Variants in APLF observed in about 807,000 individuals in gnomAD.
The protein encoded by APLF is aprataxin and PNK-like factor.
In APLF, 61 loss-of-function variants were observed where a neutral mutation model predicts 55.6. The observed-to-expected ratio is 1.10, with a 90% CI of 0.89 to 1.36. The LOEUF (loss-of-function observed/expected upper bound fraction) is 1.36, where lower values mean the gene tolerates loss of function less well. Ranked by LOEUF, APLF falls within the 40% of genes most tolerant of loss-of-function variation. The pLI, the probability that APLF is intolerant of heterozygous loss-of-function variation, is 0.00. For synonymous variants in APLF, 207 were observed against 214.8 expected (o/e 0.96, Z 0.32); for missense variants, 611 against 602.5 (o/e 1.01, Z -0.15).
rs752353255 is a variant in APLF, at chr2:68,545,190, G to C, written c.1164G>C (p.Lys388Asn). Reference protein sequence around the residue: ...SCMYGANCYRKNPVHFQHFSH... With the variant: ...SCMYGANCYRNNPVHFQHFSH... ...AGTATATTTGTCGCCCTCCTAGGAA[G>C]AATCCTGTTCATTTTCAACATTTTA... The change falls in exon 8 of 10, where the codon AAG becomes AAC. Residue 388 changes from lysine (K) to asparagine (N), a missense_variant. By Grantham distance (94) the Lys-to-Asn change is moderately conservative (BLOSUM62 0). Coordinates refer to ENST00000303795, the MANE Select transcript of APLF (RefSeq NM_173545.3). 1.2e-6 allele frequency: 2 copies of C among 1,612,842 alleles called. No individual in the cohort carries two copies. The highest frequency in any genetic ancestry group is 3.3e-5 in the Admixed American group (2 of 59,836).
At chr2:68,519,469 A>G (rs1194154282) in intron 5 of APLF, among the ~76,000 whole-genome samples, 3 of 149,492 alleles carry the variant, frequency 2.0e-5, no homozygotes, top group Non-Finnish European at 4.5e-5. Flanking sequence ...CTGAAAGAAA[A>G]GGAGTTATTT....
At chr2:68,514,936 T>C (rs1669536840) in intron 5 of APLF, among the ~76,000 whole-genome samples, 1 of 151,900 alleles carries the variant, frequency 6.6e-6, no homozygotes, top group African/African-American at 2.4e-5. Context: ...ACTTTAGTTA[T>C]GCTGTTTTTC....
intron 2 of APLF, among the ~76,000 whole-genome samples, chr2:68,494,938 A>G (rs773645991): frequency 1.6e-4 from 24 of 152,006 alleles, no homozygotes; most frequent in Admixed American, 3.3e-4. Flanking sequence ...TGTCTTTGCT[A>G]AGCCACACAC....
chr2:68,497,611 C>T (rs1001892258), intron 2 of APLF, among the ~76,000 whole-genome samples: 3 of 150,696 alleles, frequency 2.0e-5, no homozygotes, highest in African/African-American at 7.3e-5. Flanking sequence ...ATTACCCAGT[C>T]TTAGGTGAAA....
In APLF at chr2:68,573,697, T is replaced by A. The variant is rs1671545157; in HGVS notation, c.1334-4123T>A. ...CAAAAAAAAAAAAAAAAAAAGTAAT[T>A]TCCATTAGGTTAAGTGACTTGTTCA... On this transcript the variant is annotated intron_variant, in intron 9 of 9. Coordinates refer to ENST00000303795, the MANE Select transcript of APLF (RefSeq NM_173545.3). 2.0e-5 allele frequency among the ~76,000 whole-genome samples: 3 copies of A among 150,584 alleles called. No homozygotes were observed. The South Asian group carries it at 6.3e-4, about 32-fold the overall frequency.
chr2:68,485,786 A>T (rs1347454666), intron 1 of APLF, among the ~76,000 whole-genome samples: 2 of 150,880 alleles, frequency 1.3e-5, no homozygotes, highest in African/African-American at 4.9e-5. Flanking sequence ...TCCATGATTC[A>T]TATGGAATCT....
intron 5 of APLF, among the ~76,000 whole-genome samples, chr2:68,518,913 TA>T (rs1473664144): frequency 2.4e-5 from 3 of 124,730 alleles, no homozygotes; most frequent in African/African-American, 9.6e-5. Context: ...TATAATAAAA[TA>T]ATAATATATC....
chr2:68,544,153 A>G (rs958272606), intron 7 of APLF, among the ~76,000 whole-genome samples: 1 of 151,596 alleles, frequency 6.6e-6, no homozygotes, highest in Admixed American at 6.6e-5. Flanking sequence ...GGCTAGTTGT[A>G]TTTTTAGTAG....
At chr2:68,510,188 G>A (rs182171118) in intron 3 of APLF, among the ~76,000 whole-genome samples, 80 of 151,676 alleles carry the variant, frequency 5.3e-4, no homozygotes, top group Middle Eastern at 6.8e-3. Context: ...TGCATGTTGC[G>A]CACATGTACC....
Position 68,579,316 on chromosome 2 carries a change from A to T in APLF, c.*1294A>T. 4.4e-6 allele frequency: 4 copies of T among 904,614 alleles called. No homozygotes were observed. In the South Asian group the frequency reaches 1.5e-4, roughly 35 times the overall value. The allele number at this position is 904,614 out of a possible 1,614,324, so 56.0% of individuals were successfully genotyped here. On this transcript the variant is annotated 3_prime_UTR_variant, in exon 10 of 10. Transcript: ENST00000303795. ...TTTTATCTCTTATTGTTATTTGGGA[A>T]CTATTTTTCCCCTTATAATGTCCCT...
chr2:68,512,744 A>C (rs1206372010), intron 3 of APLF, among the ~76,000 whole-genome samples: 1 of 151,776 alleles, frequency 6.6e-6, no homozygotes, highest in Non-Finnish European at 1.5e-5. Flanking sequence ...AGTTTACATT[A>C]TCTCTCTAGA....
chr2:68,517,370 T>C (rs1436621715), intron 5 of APLF, among the ~76,000 whole-genome samples: 6 of 131,302 alleles, frequency 4.6e-5, no homozygotes, highest in Non-Finnish European at 9.3e-5. Flanking sequence ...TATAATATAT[T>C]CATATAGTAA....
At chr2:68,573,286 A>G (rs1201941863) in intron 9 of APLF, among the ~76,000 whole-genome samples, 2 of 152,220 alleles carry the variant, frequency 1.3e-5, no homozygotes, top group Non-Finnish European at 2.9e-5. Flanking sequence ...ACTGATTTGT[A>G]GAGAAAATAA....
chr2:68,491,884 T>A (rs1452180375), intron 2 of APLF, among the ~76,000 whole-genome samples: 3 of 152,172 alleles, frequency 2.0e-5, no homozygotes, highest in Non-Finnish European at 4.4e-5. Context: ...GACAACTCAA[T>A]AGATATCAGA....
At chr2:68,504,146 T>G (rs2103935954) in intron 3 of APLF, among the ~76,000 whole-genome samples, 1 of 152,124 alleles carries the variant, frequency 6.6e-6, no homozygotes, top group South Asian at 2.1e-4. Flanking sequence ...AGAAATCTGA[T>G]GAATTCTATA....
chr2:68,532,563 T>C (rs969341313), intron 6 of APLF, among the ~76,000 whole-genome samples: 1 of 152,190 alleles, frequency 6.6e-6, no homozygotes, highest in African/African-American at 2.4e-5. Context: ...AATGTAGGTA[T>C]TTTCATTTTG....
intron 2 of APLF, among the ~76,000 whole-genome samples, chr2:68,497,991 T>C (rs1238529150): frequency 6.8e-6 from 1 of 146,764 alleles, no homozygotes; most frequent in African/African-American, 2.8e-5. Flanking sequence ...TATCTTGAAA[T>C]AGATTGATGT....
At chr2:68,517,309 A>AATATATTAATATATGTCATTACT (rs1669634545) in intron 5 of APLF, among the ~76,000 whole-genome samples, 1 of 118,952 alleles carries the variant, frequency 8.4e-6, no homozygotes, top group Non-Finnish European at 1.6e-5. Flanking sequence ...ATTACTATAT[A>AATATATTAATATATGTCATTACT]ATATATTAAT....
intron 5 of APLF, among the ~76,000 whole-genome samples, chr2:68,522,524 G>C (rs1425783339): frequency 6.6e-6 from 1 of 151,680 alleles, no homozygotes; most frequent in Non-Finnish European, 1.5e-5. Flanking sequence ...TTTAATGTTA[G>C]AGCACTGAAT....
Sources: allele counts gnomAD v4.1 joint callset (sites outside exome capture counted in the v4.1 genomes callset), GRCh38; gene constraint gnomAD v4.1.1; transcripts MANE v1.5; gene names NCBI Gene and HGNC (gene_info 2026-07-23, HGNC 2026-07-21).